NAT1: variants seen among roughly 807,000 people sequenced by gnomAD.
NAT1 encodes the protein N-acetyltransferase 1.
For missense variants in NAT1, 400 were observed against 339.2 expected (o/e 1.18, Z -1.41); for synonymous variants, 144 against 122.6 (o/e 1.17, Z -1.16).
chr8:18,184,526 G>A (rs931190982), intron 2 of NAT1, among the ~76,000 whole-genome samples: 1 of 152,122 alleles, frequency 6.6e-6, no homozygotes, highest in African/African-American at 2.4e-5. Context: ...CAAATTACTG[G>A]AATTAATCAG....
chr8:18,187,200 C>T (rs1417863913), intron 2 of NAT1, among the ~76,000 whole-genome samples: 1 of 152,112 alleles, frequency 6.6e-6, no homozygotes, highest in Non-Finnish European at 1.5e-5. Flanking sequence ...TAAAAAATAA[C>T]ACATGCTGGC....
chr8:18,182,476 T>C (rs1270497751), intron 2 of NAT1, among the ~76,000 whole-genome samples: 3 of 152,198 alleles, frequency 2.0e-5, no homozygotes, highest in African/African-American at 7.2e-5. Context: ...ACAATCCACC[T>C]AGGATTGATT....
At chr8:18,183,871 C>T (rs1311254571) in intron 2 of NAT1, among the ~76,000 whole-genome samples, 3 of 152,162 alleles carry the variant, frequency 2.0e-5, no homozygotes, top group African/African-American at 7.2e-5. Context: ...CTATGGCCTG[C>T]CTTTCAGACA....
At chr8:18,212,668 T>G (rs530355122) in intron 1 of NAT1, 1 of 152,352 alleles carries the variant, frequency 6.6e-6, no homozygotes, top group Admixed American at 6.5e-5. Flanking sequence ...TCAGGAGCCC[T>G]TGGGAGTCCT....
chr8:18,196,984 C>T (rs1285818016), intron 2 of NAT1, among the ~76,000 whole-genome samples: 2 of 152,172 alleles, frequency 1.3e-5, no homozygotes, highest in African/African-American at 2.4e-5. Flanking sequence ...ACTCACAGCT[C>T]TGCAGGCGTT....
At chr8:18,200,537 G>C (rs1803416944) in intron 2 of NAT1, among the ~76,000 whole-genome samples, 1 of 152,076 alleles carries the variant, frequency 6.6e-6, no homozygotes. Context: ...TCTACTTAAG[G>C]GTAAAGGGTG....
At chr8:18,194,434 T>C (rs1270996902) in intron 2 of NAT1, among the ~76,000 whole-genome samples, 2 of 152,204 alleles carry the variant, frequency 1.3e-5, no homozygotes, top group African/African-American at 4.8e-5. Context: ...GTCGTATCTG[T>C]TGAGTCCACT....
upstream of NAT1, among the ~76,000 whole-genome samples, chr8:18,206,421 G>A (rs959590562): frequency 1.1e-4 from 17 of 152,084 alleles, no homozygotes; most frequent in Admixed American, 3.9e-4. Context: ...TCTTGCCCCC[G>A]CTCAAAAACT....
At chr8:18,189,221 T>C (rs1802878981) in intron 2 of NAT1, among the ~76,000 whole-genome samples, 1 of 152,110 alleles carries the variant, frequency 6.6e-6, no homozygotes, top group South Asian at 2.1e-4. Context: ...GAAAAACACA[T>C]GTTTTATGGC....
intron 2 of NAT1, among the ~76,000 whole-genome samples, chr8:18,186,139 T>G (rs1435292002): frequency 6.6e-6 from 1 of 151,660 alleles, no homozygotes; most frequent in Non-Finnish European, 1.5e-5. Flanking sequence ...GTTAGCCATG[T>G]TTTAAAAAAA....
At chr8:18,194,167 C>T (rs1048378375) in intron 2 of NAT1, among the ~76,000 whole-genome samples, 5 of 152,018 alleles carry the variant, frequency 3.3e-5, no homozygotes, top group Non-Finnish European at 5.9e-5. Context: ...GGGGGAGTGC[C>T]GACCCACTGG....
At chr8:18,172,978 T>C (rs935443307) in intron 2 of NAT1, among the ~76,000 whole-genome samples, 17 of 152,072 alleles carry the variant, frequency 1.1e-4, no homozygotes, top group African/African-American at 3.9e-4. Flanking sequence ...GACGCACACA[T>C]TTTATCATCC....
At chr8:18,217,055 T>C in intron 1 of NAT1, 1 of 1,129,116 alleles carries the variant, frequency 8.9e-7, no homozygotes, top group Non-Finnish European at 1.3e-6. Flanking sequence ...AGGCAACTTG[T>C]AGATTGGGTG....
chr8:18,208,438 A>G (rs1277286775), upstream of NAT1, among the ~76,000 whole-genome samples: 1 of 152,258 alleles, frequency 6.6e-6, no homozygotes, highest in African/African-American at 2.4e-5. Flanking sequence ...AGGATACAGA[A>G]TCAACATACA....
intron 2 of NAT1, among the ~76,000 whole-genome samples, chr8:18,197,737 T>A (rs1270679792): frequency 6.6e-6 from 1 of 152,186 alleles, no homozygotes; most frequent in Non-Finnish European, 1.5e-5. Context: ...AATCTCAGTT[T>A]AGGAGTAAAT....
In NAT1 at chr8:18,222,141, A is replaced by C. The variant is rs757584542; in HGVS notation, c.94A>C (p.Ile32Leu). The C allele has an allele frequency of 1.2e-6, 2 of 1,614,142 alleles. No individual in the cohort carries two copies. Among genetic ancestry groups the C allele is most frequent in the South Asian group, 1.1e-5 (1 of 91,086 alleles). Residue 32 changes from isoleucine to leucine, a missense_variant, in exon 3 of 3, where the codon ATC (isoleucine) becomes CTC (leucine). Coordinates refer to ENST00000307719, the MANE Select transcript of NAT1 (RefSeq NM_000662.8). The stretch of plus-strand genomic sequence containing the variant: ...ATTAACTGACATTCTTCAACACCAG[A>C]TCCGAGCTGTTCCCTTTGAGAACCT... ...ETLTDILQHQIRAVPFENLNI... is the reference protein window; with the variant it reads ...ETLTDILQHQLRAVPFENLNI...
intron 2 of NAT1, among the ~76,000 whole-genome samples, chr8:18,204,764 C>A (rs1156396011): frequency 6.6e-6 from 1 of 152,124 alleles, no homozygotes. Context: ...AGAATCAATT[C>A]TACATACAAA....
At chr8:18,192,630 C>T (rs1383231354) in intron 2 of NAT1, among the ~76,000 whole-genome samples, 3 of 152,042 alleles carry the variant, frequency 2.0e-5, no homozygotes, top group Non-Finnish European at 2.9e-5. Flanking sequence ...GAAAATGTGG[C>T]ACATATACAC....
rs73571981 is a variant in NAT1 at position 18,216,782 on chromosome 8, C to T, written c.-85-2629C>T. On this transcript the variant is annotated intron_variant, in intron 1 of 2. Coordinates refer to ENST00000307719, the MANE Select transcript of NAT1 (RefSeq NM_000662.8). ...AGGCTAAGCAGTTGACAGACAGATA[C>T]TGGGTATGATGAGAATTTAGAAGGG... The T allele has an allele frequency of 3.9e-4, 265 of 675,530 alleles. No homozygotes were observed. The African/African-American group carries it at 4.6e-3, about 12-fold the overall frequency. The allele number at this position is 675,530 out of a possible 1,614,324, so 41.8% of individuals were successfully genotyped here.
Sources: gnomAD v4.1 joint callset for allele counts (sites outside exome capture counted in the v4.1 genomes callset) on GRCh38, gnomAD v4.1.1 for gene constraint, MANE v1.5 for transcripts, NCBI Gene and HGNC (gene_info 2026-07-23, HGNC 2026-07-21) for gene names.